The following C3orf18 variants were observed in gnomAD, a reference collection of about 807,000 sequenced individuals.
C3orf18 encodes the protein uncharacterized protein C3orf18.
Under a neutral mutation model 14.1 loss-of-function variants are expected in C3orf18, and 12 were observed. The ratio of observed to expected loss-of-function variants is 0.85; its 90% CI spans 0.55 to 1.38. The LOEUF is 1.38. Ranked by LOEUF, C3orf18 falls within the 40% of genes most tolerant of loss-of-function variation. C3orf18 has a pLI of 0.00. For missense variants in C3orf18, 196 were observed against 213.9 expected, an observed-to-expected ratio of 0.92 and a Z score of 0.52; for synonymous variants, 82 against 87.9, an observed-to-expected ratio of 0.93 and a Z score of 0.38.
At chr3:50,572,218 C>T (rs200049103), upstream of C3orf18, 1 of 1,607,258 alleles carries the variant, frequency 6.2e-7, no homozygotes, top group Non-Finnish European at 8.5e-7. Context: ...GGTAGGTGTG[C>T]CACCAGGGCA....
Position 50,565,656 on chromosome 3 carries a change from C to CGGCT in C3orf18, c.40_43dup (p.Arg15GlnfsTer7), listed in dbSNP as rs1471282877. ...CAGGTCAGACTCAGAGGTGGGTGGG[C>CGGCT]GGCTGCTGAACCAGCCCCTAGCAGA... On this transcript the variant is annotated frameshift_variant, in exon 3 of 6. Transcript: ENST00000357203. LOFTEE classifies it high-confidence loss of function. The surrounding 1 kb of genome is among the most constrained non-coding windows in gnomAD (Gnocchi z 4.4). The CGGCT allele has an allele frequency of 1.2e-6, 2 of 1,612,620 alleles. No homozygotes were observed. Among genetic ancestry groups the CGGCT allele is most frequent in the African/African-American group, 2.7e-5 (2 of 74,896 alleles).
upstream of C3orf18, chr3:50,571,592 A>G (rs536606984): frequency 1.0e-4 from 98 of 961,986 alleles, no homozygotes; most frequent in African/African-American, 1.5e-3. Context: ...CTCTGGGCCC[A>G]GATGATGAGA....
In C3orf18 at chr3:50,565,776, GCCCC is replaced by G; in HGVS notation, c.-81_-78del. On this transcript the variant is annotated 5_prime_UTR_variant, in exon 3 of 6. Coordinates refer to ENST00000357203, the MANE Select transcript of C3orf18 (RefSeq NM_016210.5). The surrounding 1 kb of genome is among the most constrained non-coding windows in gnomAD (Gnocchi z 4.4). ...GCCCACTCACTCCTGACTCCGGAGTGCCCCAGCCTGTGGTTCCTGCCACCTGTGG... is the reference window on the plus strand; with the variant it reads ...GCCCACTCACTCCTGACTCCGGAGTGAGCCTGTGGTTCCTGCCACCTGTGG... 1 of 1,182,448 alleles carries G rather than the reference GCCCC, an allele frequency of 8.5e-7. No homozygotes were observed. Among genetic ancestry groups the G allele is most frequent in the Non-Finnish European group, 1.2e-6 (1 of 841,898 alleles). 73.2% of individuals were successfully genotyped at this position (1,182,448 alleles called of 1,614,324 possible).
Position 50,565,387 on chromosome 3 carries a change from C to G in C3orf18, c.234+79G>C. 1 of 1,100,308 alleles carries G rather than the reference C, an allele frequency of 9.1e-7. No homozygotes were observed. The highest frequency in any genetic ancestry group is 1.3e-6 in the Non-Finnish European group (1 of 744,548). 68.2% of individuals were successfully genotyped at this position (1,100,308 alleles called of 1,614,324 possible). A position where few individuals can be genotyped will look rare whatever the true frequency, so the allele number is the denominator to read the frequency against. On this transcript the variant is annotated intron_variant, in intron 3 of 5. Transcript: ENST00000357203. This position sits in a 1 kb window ranked among gnomAD's most constrained non-coding sequence, Gnocchi z 4.4. ...GTCTCAAAAACAACAATAACAACAA[C>G]CAGATTGTCTTCTGATTGATTAGGT...
upstream of C3orf18, chr3:50,569,373 T>C (rs906220152): frequency 6.6e-6 from 1 of 152,220 alleles, no homozygotes; most frequent in Admixed American, 6.5e-5. Context: ...TCCCCACCCA[T>C]CCGCAGGGGT....
rs776794327 is a variant in C3orf18 at position 50,565,597 on chromosome 3, T to C, written c.103A>G (p.Thr35Ala). ...PATDGPASET[T>A]TLSPEATTFN... The stretch of plus-strand genomic sequence containing the variant: ...GTGGTGGCCTCTGGGCTGAGGGTAG[T>C]GGTCTCGGAGGCTGGCCCATCTGTG... Residue 35 changes from threonine (T) to alanine (A), a missense_variant, in exon 3 of 6, where the codon ACT becomes GCT. Transcript: ENST00000357203. The surrounding 1 kb of genome is among the most constrained non-coding windows in gnomAD (Gnocchi z 4.4). 1.3e-5 allele frequency: 21 copies of C among 1,613,798 alleles called. No homozygotes were observed. The South Asian group carries it at 2.1e-4, about 16-fold the overall frequency.
chr3:50,559,737 T>C lies in C3orf18; in HGVS notation c.409A>G (p.Thr137Ala), dbSNP rs757688802. The C allele has an allele frequency of 6.3e-7, 1 of 1,579,422 alleles. No homozygotes were observed. Among genetic ancestry groups the C allele is most frequent in the Non-Finnish European group, 8.6e-7 (1 of 1,161,516 alleles). Residue 137 changes from threonine to alanine, a missense_variant and splice_region_variant, in exon 6 of 6, where the codon ACT becomes GCT. Physicochemically the swap from Thr to Ala is moderately conservative, Grantham distance 58. Coordinates refer to ENST00000357203, the MANE Select transcript of C3orf18 (RefSeq NM_016210.5). ...AGTGGGCCCTGGGAGGGCAGAGTAG[T>C]CTGCAGGAAGACAGGCAGGGGCATC... The part of the protein sequence containing the change: ...ATSVQAMQGK[T>A]TLPSQGPLQR...
intron 3 of C3orf18, among the ~76,000 whole-genome samples, chr3:50,564,178 C>G (rs1361173748): frequency 6.6e-6 from 1 of 152,256 alleles, no homozygotes; most frequent in East Asian, 1.9e-4. Flanking sequence ...AGCCCAAGGC[C>G]AGCCATCAGA....
upstream of C3orf18, among the ~76,000 whole-genome samples, chr3:50,568,552 C>A (rs1394169890): frequency 4.0e-5 from 6 of 151,886 alleles, no homozygotes; most frequent in African/African-American, 1.5e-4. Context: ...CATGGTGAAA[C>A]CCTGTCTCTA....
chr3:50,566,252 A>G (rs1700285283), intron 1 of C3orf18, among the ~76,000 whole-genome samples, 158 bp from the exon 2 acceptor site: 1 of 151,748 alleles, frequency 6.6e-6, no homozygotes, highest in South Asian at 2.1e-4. Context: ...GGGGGAAAAA[A>G]TACCACAGCT....
rs1385193532 is a variant in C3orf18 at position 50,565,603 on chromosome 3, C to CG, written c.96dup (p.Glu33ArgfsTer13). The CG allele has an allele frequency of 3.7e-6, 6 of 1,613,782 alleles. No homozygotes were observed. Among genetic ancestry groups the CG allele is most frequent in the Non-Finnish European group, 4.2e-6 (5 of 1,180,020 alleles). ...GCCTCTGGGCTGAGGGTAGTGGTCT[C>CG]GGAGGCTGGCCCATCTGTGGCAGGT... On this transcript the variant is annotated frameshift_variant, in exon 3 of 6. Transcript: ENST00000357203. LOFTEE classifies it high-confidence loss of function. This position sits in a 1 kb window ranked among gnomAD's most constrained non-coding sequence, Gnocchi z 4.4.
chr3:50,562,149 C>T (rs1385125902), intron 3 of C3orf18, among the ~76,000 whole-genome samples: 1 of 152,190 alleles, frequency 6.6e-6, no homozygotes, highest in Non-Finnish European at 1.5e-5. Flanking sequence ...CCACCCGCCT[C>T]GGCCTCCCAA....
Position 50,558,371 on chromosome 3 carries a change from T to C in C3orf18, c.*1286A>G. 4.0e-6 allele frequency: 1 copy of C among 253,104 alleles called. No homozygotes were observed. Among genetic ancestry groups the C allele is most frequent in the Non-Finnish European group, 7.8e-6 (1 of 127,832 alleles). The allele number at this position is 253,104 out of a possible 1,614,324, so 15.7% of individuals were successfully genotyped here. On this transcript the variant is annotated 3_prime_UTR_variant, in exon 6 of 6. Coordinates refer to ENST00000357203, the MANE Select transcript of C3orf18 (RefSeq NM_016210.5). ...CCCAGCGTAAAAAAATGCCCTGCTCTTGTGGTCTGTCTCTGCCCAATGGCT... is the reference window on the plus strand; with the variant it reads ...CCCAGCGTAAAAAAATGCCCTGCTCCTGTGGTCTGTCTCTGCCCAATGGCT...
At chr3:50,562,532 G>A (rs1247950436) in intron 3 of C3orf18, 2 of 455,124 alleles carry the variant, frequency 4.4e-6, no homozygotes, top group South Asian at 1.6e-5. Flanking sequence ...GAGGCAGGAG[G>A]ATCTCTTGAG....
chr3:50,571,024 T>A (rs565933842), upstream of C3orf18: 1 of 1,139,896 alleles, frequency 8.8e-7, no homozygotes, highest in East Asian at 2.5e-5. Flanking sequence ...CAGGGGCCAC[T>A]CTCAGCACTC....
chr3:50,574,302 A>G (rs1211774683), upstream of C3orf18, among the ~76,000 whole-genome samples: 2 of 152,136 alleles, frequency 1.3e-5, no homozygotes, highest in African/African-American at 2.4e-5. Flanking sequence ...CTAGGAGGAG[A>G]AGAGAAAGTT....
upstream of C3orf18, among the ~76,000 whole-genome samples, chr3:50,568,956 C>T (rs1700582469): frequency 1.3e-5 from 2 of 152,180 alleles, no homozygotes; most frequent in African/African-American, 4.8e-5. Flanking sequence ...GGCCGCCAGT[C>T]GGCCGACCCC....
At chr3:50,560,879 A>T (rs1392979522) in intron 5 of C3orf18, 38 bp downstream of exon 5, 8 of 1,576,536 alleles carry the variant, frequency 5.1e-6, no homozygotes, top group Non-Finnish European at 6.9e-6. Flanking sequence ...AGGACAGAGG[A>T]TGCTGCAGGC....
At position 50,559,149 on chromosome 3, in the gene C3orf18, C is replaced by G; in HGVS notation, c.*508G>C. On this transcript the variant is annotated 3_prime_UTR_variant, in exon 6 of 6. Transcript: ENST00000357203. The stretch of plus-strand genomic sequence containing the variant: ...ATACTGGACAGTTTCAGCTCCATCT[C>G]TGGGCTTCTCAGGGCCCATAACAGA... The G allele has an allele frequency of 7.8e-7, 1 of 1,289,916 alleles. No homozygotes were observed. Among genetic ancestry groups the G allele is most frequent in the Non-Finnish European group, 1.0e-6 (1 of 988,920 alleles). The allele number at this position is 1,289,916 out of a possible 1,614,324, so 79.9% of individuals were successfully genotyped here. A position where few individuals can be genotyped will look rare whatever the true frequency, so the allele number is the denominator to read the frequency against.
Sources: gnomAD v4.1 joint callset for allele counts (sites outside exome capture counted in the v4.1 genomes callset) on GRCh38, gnomAD v4.1.1 for gene constraint, Gnocchi (gnomAD v3.1) non-coding constraint, MANE v1.5 for transcripts, NCBI Gene and HGNC (gene_info 2026-07-23, HGNC 2026-07-21) for gene names.